Variants in RMDN2 observed in about 807,000 individuals in gnomAD.
RMDN2 encodes regulator of microtubule dynamics protein 2.
RMDN2 carries 61 observed loss-of-function variants against 52.8 expected under a neutral mutation model. The ratio of observed to expected loss-of-function variants is 1.16; its 90% CI spans 0.94 to 1.43. The LOEUF (loss-of-function observed/expected upper bound fraction) is 1.43, where lower values mean the gene tolerates loss of function less well. Among genes scored for constraint, RMDN2 ranks in the 40% most tolerant of loss-of-function variants. RMDN2 has a pLI of 0.00. For synonymous variants in RMDN2, 180 were observed against 153.1 expected (o/e 1.18, Z -1.30); for missense variants, 592 against 475.3 (o/e 1.25, Z -2.28).
intron 4 of RMDN2, 103 bp from the exon 5 acceptor site, chr2:37,981,180 T>C (rs1418286545): frequency 1.3e-6 from 1 of 778,148 alleles, no homozygotes; most frequent in Non-Finnish European, 2.3e-6. Context: ...ATGCTGATGC[T>C]TCTGGTCTTG....
intron 2 of RMDN2, among the ~76,000 whole-genome samples, chr2:37,934,743 C>G (rs1287697970): frequency 6.6e-6 from 1 of 152,066 alleles, no homozygotes; most frequent in Non-Finnish European, 1.5e-5. Context: ...CTTAAGGTCA[C>G]TAGTTCACAT....
chr2:37,921,733 TCAGA>T (rs1406562539), upstream of RMDN2, among the ~76,000 whole-genome samples: 8 of 152,226 alleles, frequency 5.3e-5, no homozygotes, highest in Admixed American at 5.2e-4. Flanking sequence ...GAAAAGGCTC[TCAGA>T]CAAAGTTAAG....
intron 2 of RMDN2, chr2:37,950,463 C>T: frequency 6.2e-7 from 1 of 1,611,018 alleles, no homozygotes; most frequent in Non-Finnish European, 8.5e-7. Context: ...ATGTTAACTC[C>T]ACATGCAGCT....
chr2:38,024,612 T>G (rs925909724), intron 10 of RMDN2, among the ~76,000 whole-genome samples: 1 of 152,160 alleles, frequency 6.6e-6, no homozygotes, highest in East Asian at 1.9e-4. Context: ...ATTTTGCCCA[T>G]TATTTAAATT....
chr2:37,974,363 A>T, intron 3 of RMDN2, 149 bp downstream of exon 3: 2 of 476,176 alleles, frequency 4.2e-6, no homozygotes, highest in African/African-American at 2.0e-5. Flanking sequence ...AAAATTTTTT[A>T]AAATTTATTT....
chr2:38,018,995 G>A (rs914716696), downstream of RMDN2, among the ~76,000 whole-genome samples: 16 of 152,338 alleles, frequency 1.1e-4, no homozygotes, highest in African/African-American at 3.8e-4. Flanking sequence ...ATAATGATCA[G>A]TCAAGATACT....
At chr2:38,020,794 C>A (rs951286924), downstream of RMDN2, among the ~76,000 whole-genome samples, 1 of 152,154 alleles carries the variant, frequency 6.6e-6, no homozygotes, top group African/African-American at 2.4e-5. Flanking sequence ...GAACCTCCCC[C>A]GCCTCCTTGG....
rs149503613 is a variant in RMDN2, at chr2:37,930,306, G to T, written c.452+577G>T. Among the ~76,000 whole-genome samples, 147 of 152,352 alleles carry T rather than the reference G, an allele frequency of 9.6e-4. 6 individuals are homozygous for T. In the East Asian group the frequency reaches 0.024, roughly 25 times the overall value. Reference sequence around the variant, plus strand: ...TCAAAAAAGACTTGAGAGTATATAGGTGACTCTGTCTCATCTTTGCATGGG... The same window carrying T: ...TCAAAAAAGACTTGAGAGTATATAGTTGACTCTGTCTCATCTTTGCATGGG... On this transcript the variant is annotated intron_variant, in intron 2 of 10. Transcript: ENST00000354545.
chr2:37,994,335 T>TA (rs1174311394), intron 7 of RMDN2, among the ~76,000 whole-genome samples: 19 of 152,236 alleles, frequency 1.2e-4, no homozygotes, highest in African/African-American at 4.1e-4. Context: ...AATAAACTGT[T>TA]ACGGCCATGT....
intron 10 of RMDN2, among the ~76,000 whole-genome samples, chr2:38,056,384 C>T (rs377407283): frequency 1.3e-5 from 2 of 152,336 alleles, no homozygotes; most frequent in South Asian, 2.1e-4. Context: ...CTTACTACAA[C>T]ATCAATCACA....
chr2:37,932,307 A>G (rs1380208554), intron 2 of RMDN2, among the ~76,000 whole-genome samples: 2 of 151,870 alleles, frequency 1.3e-5, no homozygotes, highest in South Asian at 2.1e-4. Flanking sequence ...AACAAAGCAC[A>G]TCTTGCACCG....
chr2:37,951,276 G>T, intron 2 of RMDN2: 1 of 1,606,524 alleles, frequency 6.2e-7, no homozygotes, highest in Non-Finnish European at 8.5e-7. Context: ...TTCTCCAGAA[G>T]ATCAAGTTAG....
chr2:38,028,731 C>A (rs1236362750), intron 10 of RMDN2, among the ~76,000 whole-genome samples: 1 of 152,170 alleles, frequency 6.6e-6, no homozygotes, highest in Non-Finnish European at 1.5e-5. Flanking sequence ...CCCCATCTCA[C>A]CTCCAATTGT....
At chr2:37,949,715 G>A (rs1265148531) in intron 2 of RMDN2, among the ~76,000 whole-genome samples, 2 of 152,084 alleles carry the variant, frequency 1.3e-5, no homozygotes, top group East Asian at 3.9e-4. Context: ...AAGGCTAGAG[G>A]CGGTAGTAGT....
At chr2:38,064,481 C>G (rs753568897) in intron 10 of RMDN2, among the ~76,000 whole-genome samples, 2 of 151,202 alleles carry the variant, frequency 1.3e-5, no homozygotes, top group Non-Finnish European at 2.9e-5. Context: ...CAGAGCGAGA[C>G]TCCATCTCAA....
At chr2:37,997,545 C>CA (rs1558529254) in intron 8 of RMDN2, 31 bp downstream of exon 8, 1 of 1,345,016 alleles carries the variant, frequency 7.4e-7, no homozygotes, top group Non-Finnish European at 1.1e-6. Context: ...ATTTTAGTGT[C>CA]AGACTGATTA....
At chr2:38,027,494 A>T (rs1040753001) in intron 10 of RMDN2, 50 of 152,312 alleles carry the variant, frequency 3.3e-4, no homozygotes, top group Non-Finnish European at 5.7e-4. Flanking sequence ...TTTATAGATT[A>T]AAAAAACCTC....
chr2:37,924,896 T>G, upstream of RMDN2, among the ~76,000 whole-genome samples: 1 of 152,358 alleles, frequency 6.6e-6, no homozygotes, highest in Non-Finnish European at 1.5e-5. Flanking sequence ...GGCGTCTGCC[T>G]TTAATTCAGT....
chr2:37,972,696 A>G (rs1170431447), intron 2 of RMDN2, among the ~76,000 whole-genome samples: 1 of 152,172 alleles, frequency 6.6e-6, no homozygotes, highest in Non-Finnish European at 1.5e-5. Context: ...AGATGAGATG[A>G]TGGAGGCTTA....
Sources: gnomAD v4.1 joint callset for allele counts (sites outside exome capture counted in the v4.1 genomes callset) on GRCh38, gnomAD v4.1.1 for gene constraint, MANE v1.5 for transcripts, NCBI Gene and HGNC (gene_info 2026-07-23, HGNC 2026-07-21) for gene names.